ST13: variants seen among roughly 807,000 people sequenced by gnomAD.
The protein encoded by ST13 is ST13 Hsp70 interacting protein.
A neutral mutation model predicts 56.7 loss-of-function variants in ST13; 23 were observed. That is an observed-to-expected ratio of 0.41 (90% CI 0.29 to 0.57). The LOEUF (loss-of-function observed/expected upper bound fraction) is 0.57, where lower values mean the gene tolerates loss of function less well. Ranked by LOEUF, ST13 falls within the 20% of genes least tolerant of loss-of-function variation. The pLI is 0.36. For synonymous variants in ST13, 132 were observed against 142.4 expected (o/e 0.93, Z 0.52); for missense variants, 369 against 459.9 (o/e 0.80, Z 1.81).
intron 2 of ST13, among the ~76,000 whole-genome samples, chr22:40,849,346 T>G (rs767770705): frequency 1.3e-5 from 2 of 151,614 alleles, no homozygotes; most frequent in Admixed American, 1.3e-4. Context: ...GACGTGGTGG[T>G]GGGCACCTGT....
intron 9 of ST13, 42 bp downstream of exon 9, chr22:40,830,798 T>C: frequency 7.6e-7 from 1 of 1,309,726 alleles, no homozygotes; most frequent in Non-Finnish European, 1.1e-6. Flanking sequence ...TCTACATAAT[T>C]TGCCGTATTT....
intron 1 of ST13, among the ~76,000 whole-genome samples, chr22:40,851,617 T>G (rs549991469): frequency 6.6e-6 from 1 of 152,158 alleles, no homozygotes; most frequent in Non-Finnish European, 1.5e-5. Flanking sequence ...AAATGGTTGA[T>G]AGACTTAAGA....
At chr22:40,854,702 G>A (rs986841466) in intron 1 of ST13, 1 of 152,168 alleles carries the variant, frequency 6.6e-6, no homozygotes, top group African/African-American at 2.4e-5. Context: ...GCCAGCTCTT[G>A]GAGCCGGCTA....
At chr22:40,842,196 T>C (rs1267863928) in intron 4 of ST13, among the ~76,000 whole-genome samples, 1 of 152,196 alleles carries the variant, frequency 6.6e-6, no homozygotes, top group Admixed American at 6.5e-5. Flanking sequence ...CTTGAGTTGG[T>C]AGCACCAATT....
At chr22:40,835,959 TCCAGTTAAG>T in intron 5 of ST13, 72 bp from the exon 6 acceptor site, 6 of 1,137,884 alleles carry the variant, frequency 5.3e-6, no homozygotes, top group Non-Finnish European at 7.5e-6. Context: ...TGATCTGTTA[TCCAGTTAAG>T]TCTTTTACAT....
At chr22:40,848,575 T>C (rs922156462) in intron 2 of ST13, among the ~76,000 whole-genome samples, 4 of 152,016 alleles carry the variant, frequency 2.6e-5, no homozygotes, top group African/African-American at 7.2e-5. Flanking sequence ...GGTGAAACCA[T>C]CTCTACTAAA....
chr22:40,839,246 C>T (rs534557501), intron 5 of ST13, among the ~76,000 whole-genome samples: 3 of 152,274 alleles, frequency 2.0e-5, no homozygotes, highest in South Asian at 4.1e-4. Flanking sequence ...TATACTAACT[C>T]GGAACATCAA....
chr22:40,845,196 A>G (rs944523526), intron 3 of ST13, among the ~76,000 whole-genome samples: 1 of 152,196 alleles, frequency 6.6e-6, no homozygotes, highest in Non-Finnish European at 1.5e-5. Context: ...CATTGTATAT[A>G]AATACACCAT....
At position 40,829,618 on chromosome 22, in the gene ST13, A is replaced by C. The variant is rs765258825; in HGVS notation, c.847+8T>G. The C allele has an allele frequency of 4.2e-6, 6 of 1,427,940 alleles. No homozygotes were observed. The highest frequency in any genetic ancestry group is 5.6e-6 in the Non-Finnish European group (6 of 1,066,010). 88.5% of individuals were successfully genotyped at this position (1,427,940 alleles called of 1,614,324 possible). ...AACAAAACAGTTTTAACTTTTCTTTAAATATACCTGGAAAAGAGCCATACT... is the reference window on the plus strand; with the variant it reads ...AACAAAACAGTTTTAACTTTTCTTTCAATATACCTGGAAAAGAGCCATACT... On this transcript the variant is annotated splice_region_variant and intron_variant, in intron 10 of 11. Transcript: ENST00000216218.
At chr22:40,842,870 C>T (rs766328796) in intron 4 of ST13, among the ~76,000 whole-genome samples, 1 of 152,162 alleles carries the variant, frequency 6.6e-6, no homozygotes, top group Non-Finnish European at 1.5e-5. Flanking sequence ...ACAAGACTTA[C>T]GTCAGGTGCA....
chr22:40,838,913 A>T (rs1195482122), intron 5 of ST13, among the ~76,000 whole-genome samples: 2 of 33,400 alleles, frequency 6.0e-5, no homozygotes, highest in African/African-American at 1.7e-4. Flanking sequence ...AGCATAAATA[A>T]AAAAAAAAAA....
intron 4 of ST13, among the ~76,000 whole-genome samples, chr22:40,842,697 G>C (rs553943022): frequency 6.6e-6 from 1 of 152,262 alleles, no homozygotes; most frequent in African/African-American, 2.4e-5. Flanking sequence ...GTTAACCCTA[G>C]AATTTGATGC....
chr22:40,830,541 A>G (rs571165144), intron 9 of ST13, among the ~76,000 whole-genome samples: 1 of 152,362 alleles, frequency 6.6e-6, no homozygotes, highest in Admixed American at 6.5e-5. Context: ...AAGCATCCTC[A>G]AAAGATCAAA....
chr22:40,856,475 A>G lies in ST13; in HGVS notation c.66T>C (p.Val22=). ...FVKMCKQDPS[V]LHTEEMRFLR... is the part of the protein sequence containing the mutation. ...GGAAGCGCATTTCCTCGGTGTGCAG[A>G]ACGCTCGGATCCTGCTTACACATTT... The change falls in exon 1 of 12, where the codon GTT becomes GTC. Residue 22 remains valine (V), a synonymous_variant. Transcript: ENST00000216218. 6.2e-7 allele frequency: 1 copy of G among 1,613,534 alleles called. No individual in the cohort carries two copies.
chr22:40,826,474 C>T lies in ST13; in HGVS notation c.*64G>A. On this transcript the variant is annotated 3_prime_UTR_variant, in exon 12 of 12. Coordinates refer to ENST00000216218, the MANE Select transcript of ST13 (RefSeq NM_003932.5). ...AGAGGTACACTGGTTTGTATTATTGCGACATCCATAAGGTGATCTAGGTTG... is the reference window on the plus strand; with the variant it reads ...AGAGGTACACTGGTTTGTATTATTGTGACATCCATAAGGTGATCTAGGTTG... 10 of 1,549,222 alleles carry T rather than the reference C, an allele frequency of 6.5e-6. No homozygotes were observed. Among genetic ancestry groups the T allele is most frequent in the South Asian group, 1.2e-5 (1 of 86,500 alleles).
Position 40,848,208 on chromosome 22 carries a change from C to T in ST13, c.244+86G>A. On this transcript the variant is annotated intron_variant, in intron 3 of 11. Coordinates refer to ENST00000216218, the MANE Select transcript of ST13 (RefSeq NM_003932.5). Reference sequence around the variant, plus strand: ...TATGTGCCATTATATTTCTATTACACAGTGCTGATTTAAGTCACTTTAATA... The same window carrying T: ...TATGTGCCATTATATTTCTATTACATAGTGCTGATTTAAGTCACTTTAATA... 3 of 897,278 alleles carry T rather than the reference C, an allele frequency of 3.3e-6. No homozygotes were observed. In the Admixed American group the frequency reaches 5.3e-5, roughly 16 times the overall value. The allele number at this position is 897,278 out of a possible 1,614,324, so 55.6% of individuals were successfully genotyped here.
rs143211495 is a variant in ST13, at chr22:40,848,342, C to G, written c.196G>C (p.Glu66Gln). Reference sequence around the variant, plus strand: ...GGTTCGTCTGCCTTTAAGTCTTCCTCCACCTTCTTACTATCAGGTTTTTCT... The same window carrying G: ...GGTTCGTCTGCCTTTAAGTCTTCCTGCACCTTCTTACTATCAGGTTTTTCT... ...KEEKPDSKKVEEDLKADEPSS... is the reference protein window; with the variant it reads ...KEEKPDSKKVQEDLKADEPSS... Residue 66 changes from glutamate (E) to glutamine (Q), a missense_variant, in exon 3 of 12, where the codon GAG (glutamate) becomes CAG (glutamine). Around this residue, in one of 3 missense-constraint regions of ST13, gnomAD observed 169 missense variants for 175.6 expected, o/e 0.96. Transcript: ENST00000216218. 1.1e-4 allele frequency: 178 copies of G among 1,612,960 alleles called. 1 individual carries two copies. The African/African-American group carries it at 2.3e-3, about 21-fold the overall frequency.
chr22:40,834,240 G>A (rs368879535), intron 7 of ST13, among the ~76,000 whole-genome samples: 9 of 152,098 alleles, frequency 5.9e-5, no homozygotes, highest in African/African-American at 1.9e-4. Flanking sequence ...AGCCTAGATC[G>A]CACCACTGCA....
At chr22:40,848,243 A>C (rs376277208) in intron 3 of ST13, 51 bp downstream of exon 3, 1 of 1,325,184 alleles carries the variant, frequency 7.5e-7, no homozygotes, top group East Asian at 2.3e-5. Flanking sequence ...AAAAATCAAC[A>C]AAGTATCACA....
Sources: gnomAD v4.1 joint callset for allele counts (sites outside exome capture counted in the v4.1 genomes callset) on GRCh38, gnomAD v4.1.1 for gene constraint, gnomAD v4.1.1 regional missense constraint, MANE v1.5 for transcripts, NCBI Gene and HGNC (gene_info 2026-07-23, HGNC 2026-07-21) for gene names.